NTPCR: variants seen among roughly 807,000 people sequenced by gnomAD.
NTPCR encodes the protein nucleoside-triphosphatase, cancer-related.
NTPCR carries 15 observed loss-of-function variants against 19.5 expected under a neutral mutation model. That is an observed-to-expected ratio of 0.77 (90% CI 0.51 to 1.18). The LOEUF (loss-of-function observed/expected upper bound fraction) is 1.18, where lower values mean the gene tolerates loss of function less well. NTPCR is among the 50% of genes most tolerant of loss of function. The probability of loss-of-function intolerance (pLI) is 0.00; values close to 1 mark genes in which losing one functional copy is unlikely to be tolerated. For synonymous variants in NTPCR, 90 were observed against 95.8 expected (o/e 0.94, Z 0.36); for missense variants, 206 against 240.4 (o/e 0.86, Z 0.95).
chr1:232,963,209 T>C (rs1668716160), intron 3 of NTPCR: 1 of 152,236 alleles, frequency 6.6e-6, no homozygotes, highest in African/African-American at 2.4e-5. Context: ...AGTAAGGACA[T>C]TCCTGCAGTG....
chr1:232,969,867 A>T, intron 3 of NTPCR, 42 bp from the exon 4 acceptor site: 4 of 1,543,940 alleles, frequency 2.6e-6, no homozygotes, highest in Non-Finnish European at 3.6e-6. Flanking sequence ...CCTTTGATTA[A>T]TGTGACTCTG....
In NTPCR at chr1:232,955,678, C is replaced by A. The variant is rs760610550; in HGVS notation, c.156C>A (p.Val52=). Residue 52 remains valine (V), a synonymous_variant, in exon 2 of 5, where the codon GTC becomes GTA. Coordinates refer to ENST00000366628, the MANE Select transcript of NTPCR (RefSeq NM_032324.3). ...GAGGGAGAAGAATAGGATTCGATGTCGTCACGTTGTCCGGCACCCGGGGGC... is the reference window on the plus strand; with the variant it reads ...GAGGGAGAAGAATAGGATTCGATGTAGTCACGTTGTCCGGCACCCGGGGGC... The part of the protein sequence containing the change: ...RQGGRRIGFD[V]VTLSGTRGPL... The A allele has an allele frequency of 1.2e-6, 2 of 1,613,896 alleles. No individual in the cohort carries two copies. Among genetic ancestry groups the A allele is most frequent in the Admixed American group, 1.7e-5 (1 of 60,010 alleles).
chr1:232,983,734 T>C lies in NTPCR; in HGVS notation c.*5503T>C, dbSNP rs1669347431. On this transcript the variant is annotated 3_prime_UTR_variant, in exon 5 of 5. Transcript: ENST00000366628. ...TTGTGAAGCTGCCACCATGTTACGCTTAACAGCTGCATAAATATTATAAAG... is the reference window on the plus strand; with the variant it reads ...TTGTGAAGCTGCCACCATGTTACGCCTAACAGCTGCATAAATATTATAAAG... The C allele has an allele frequency of 6.6e-6, 1 of 152,238 alleles. No homozygotes were observed. Among genetic ancestry groups the C allele is most frequent in the Admixed American group, 6.5e-5 (1 of 15,280 alleles). 9.4% of individuals were successfully genotyped at this position (152,238 alleles called of 1,614,324 possible).
At chr1:232,973,504 A>G (rs912208362) in intron 4 of NTPCR, among the ~76,000 whole-genome samples, 49 of 152,346 alleles carry the variant, frequency 3.2e-4, no homozygotes, top group African/African-American at 1.2e-3. Flanking sequence ...GAACAACACA[A>G]CAGACACAAC....
In NTPCR at chr1:232,978,192, G is replaced by C. The variant is rs762968216; in HGVS notation, c.534G>C (p.Leu178=). The change falls in exon 5 of 5, where the codon CTG becomes CTC. Residue 178 remains leucine, a synonymous_variant. Transcript: ENST00000366628. The stretch of plus-strand genomic sequence containing the variant: ...CCAAGGAAAACAGAAACCACCTTCT[G>C]CCAGATATCGTGACGTGCGTGCAGA... ...NVTKENRNHL[L]PDIVTCVQSS... is the part of the protein sequence containing the mutation. The C allele has an allele frequency of 6.2e-7, 1 of 1,614,088 alleles. No homozygotes were observed. The highest frequency in any genetic ancestry group is 2.2e-5 in the East Asian group (1 of 44,900).
chr1:232,957,027 TAGAA>T (rs1048053722), intron 3 of NTPCR, among the ~76,000 whole-genome samples: 17 of 152,204 alleles, frequency 1.1e-4, no homozygotes, highest in Admixed American at 1.0e-3. Flanking sequence ...TTCCTAATCT[TAGAA>T]AGAAAGTATT....
At position 232,950,662 on chromosome 1, in the gene NTPCR, C is replaced by T; in HGVS notation, c.-49C>T. On this transcript the variant is annotated 5_prime_UTR_variant, in exon 1 of 5. Transcript: ENST00000366628. ...TCCGGACCTGACCTGAATTGCGACC[C>T]CAACCTGGACTGCTCCCCTGACCGC... 1.3e-6 allele frequency: 2 copies of T among 1,535,158 alleles called. No homozygotes were observed. The highest frequency in any genetic ancestry group is 1.4e-5 in the African/African-American group (1 of 73,220).
rs749433497 is a variant in NTPCR at position 232,979,576 on chromosome 1, T to C, written c.*1345T>C. Reference sequence around the variant, plus strand: ...CACAACAGGGAGGCCTAATAGATTATGAACTAAGCCCTCAAAAGGGCTACC... The same window carrying C: ...CACAACAGGGAGGCCTAATAGATTACGAACTAAGCCCTCAAAAGGGCTACC... On this transcript the variant is annotated 3_prime_UTR_variant, in exon 5 of 5. Coordinates refer to ENST00000366628, the MANE Select transcript of NTPCR (RefSeq NM_032324.3). The surrounding 1 kb of genome is among the most constrained non-coding windows in gnomAD (Gnocchi z 5.3). 1.3e-5 allele frequency: 2 copies of C among 152,278 alleles called. No homozygotes were observed. The highest frequency in any genetic ancestry group is 2.4e-5 in the African/African-American group (1 of 41,460). 9.4% of individuals were successfully genotyped at this position (152,278 alleles called of 1,614,324 possible). A position where few individuals can be genotyped will look rare whatever the true frequency, so the allele number is the denominator to read the frequency against.
chr1:232,959,727 A>T (rs1286573353), intron 3 of NTPCR, among the ~76,000 whole-genome samples: 1 of 152,240 alleles, frequency 6.6e-6, no homozygotes, highest in East Asian at 1.9e-4. Flanking sequence ...GCTGGGATCT[A>T]TGAAAACACA....
In NTPCR at chr1:232,978,314, C is replaced by G; in HGVS notation, c.*83C>G. On this transcript the variant is annotated 3_prime_UTR_variant, in exon 5 of 5. Transcript: ENST00000366628. ...GAGCCCTGCCTGTCGAGGCTGTATGCCTATGGGGTTATGGAACCTTGTGGG... is the reference window on the plus strand; with the variant it reads ...GAGCCCTGCCTGTCGAGGCTGTATGGCTATGGGGTTATGGAACCTTGTGGG... The G allele has an allele frequency of 8.7e-7, 1 of 1,145,136 alleles. No homozygotes were observed. Among genetic ancestry groups the G allele is most frequent in the Non-Finnish European group, 1.3e-6 (1 of 773,388 alleles). 70.9% of individuals were successfully genotyped at this position (1,145,136 alleles called of 1,614,324 possible).
intron 1 of NTPCR, among the ~76,000 whole-genome samples, chr1:232,954,053 A>G (rs138220355): frequency 1.3e-5 from 2 of 152,360 alleles, no homozygotes; most frequent in Non-Finnish European, 2.9e-5. Context: ...CATGAACTAC[A>G]GGGTGCTGTG....
intron 4 of NTPCR, among the ~76,000 whole-genome samples, chr1:232,977,752 G>A (rs1202498011): frequency 1.3e-5 from 2 of 152,116 alleles, no homozygotes; most frequent in Admixed American, 1.3e-4. Context: ...GCTCTGCTGG[G>A]TGCCCTCCTG....
Position 232,983,144 on chromosome 1 carries a change from A to G in NTPCR, c.*4913A>G, listed in dbSNP as rs1669325942. The G allele has an allele frequency of 1.3e-5, 2 of 152,194 alleles. No homozygotes were observed. Among genetic ancestry groups the G allele is most frequent in the Admixed American group, 1.3e-4 (2 of 15,286 alleles). The allele number at this position is 152,194 out of a possible 1,614,324, so 9.4% of individuals were successfully genotyped here. A position where few individuals can be genotyped will look rare whatever the true frequency, so the allele number is the denominator to read the frequency against. ...AGATTCTCTACAATACCCTTCCCCC[A>G]ACCCTCTCCTCAAATTTCCAAATCC... is the stretch of plus-strand genomic sequence containing the variant. On this transcript the variant is annotated 3_prime_UTR_variant, in exon 5 of 5. Transcript: ENST00000366628.
At chr1:232,969,573 A>C (rs1405702162) in intron 3 of NTPCR, 1 of 224,942 alleles carries the variant, frequency 4.4e-6, no homozygotes, top group Admixed American at 5.0e-5. Flanking sequence ...AAGGGGAAAA[A>C]AAAGTAAGTA....
At chr1:232,976,611 C>T in intron 4 of NTPCR, 1 of 1,427,174 alleles carries the variant, frequency 7.0e-7, no homozygotes, top group Non-Finnish European at 9.2e-7. Context: ...CCCATGAAGC[C>T]AAAGGAAAAG....
chr1:232,975,248 T>C (rs1558135410), intron 4 of NTPCR, among the ~76,000 whole-genome samples: 3 of 152,224 alleles, frequency 2.0e-5, no homozygotes. Context: ...TTGTTTAATA[T>C]GATCAGTGTC....
chr1:232,960,648 C>T (rs531325033), intron 3 of NTPCR, among the ~76,000 whole-genome samples: 23 of 152,150 alleles, frequency 1.5e-4, no homozygotes, highest in South Asian at 4.2e-4. Flanking sequence ...AGCCTGGTTA[C>T]GTTTCTTTAG....
chr1:232,980,519 G>A lies in NTPCR; in HGVS notation c.*2288G>A, dbSNP rs1007174654. ...ATAAACTGCTGTAAATCCAAAGAACGTTTAGTGTCTCTTGTGGTGAGGTCC... is the reference window on the plus strand; with the variant it reads ...ATAAACTGCTGTAAATCCAAAGAACATTTAGTGTCTCTTGTGGTGAGGTCC... On this transcript the variant is annotated 3_prime_UTR_variant, in exon 5 of 5. Coordinates refer to ENST00000366628, the MANE Select transcript of NTPCR (RefSeq NM_032324.3). The A allele has an allele frequency of 3.3e-5, 5 of 152,186 alleles. No individual in the cohort carries two copies. The highest frequency in any genetic ancestry group is 1.2e-4 in the African/African-American group (5 of 41,436). The allele number at this position is 152,186 out of a possible 1,614,324, so 9.4% of individuals were successfully genotyped here. A position where few individuals can be genotyped will look rare whatever the true frequency, so the allele number is the denominator to read the frequency against.
chr1:232,962,369 T>G (rs1054712148), intron 3 of NTPCR: 2 of 152,216 alleles, frequency 1.3e-5, no homozygotes, highest in Non-Finnish European at 2.9e-5. Flanking sequence ...CTCCATCTGT[T>G]TCTTTAAAAT....
Sources: allele counts gnomAD v4.1 joint callset (sites outside exome capture counted in the v4.1 genomes callset), GRCh38; gene constraint gnomAD v4.1.1; non-coding constraint Gnocchi (gnomAD v3.1); transcripts MANE v1.5; gene names NCBI Gene and HGNC (gene_info 2026-07-23, HGNC 2026-07-21).